SLC14A2: variants seen among roughly 807,000 people sequenced by gnomAD.
SLC14A2 encodes solute carrier family 14 member 2.
A neutral mutation model predicts 104.6 loss-of-function variants in SLC14A2; 91 were observed. The ratio of observed to expected loss-of-function variants is 0.87; its 90% CI spans 0.73 to 1.04. The LOEUF is 1.04. Among genes scored for constraint, SLC14A2 ranks in the 50% least tolerant of loss-of-function variants. The probability of loss-of-function intolerance (pLI) is 0.00; values close to 1 mark genes in which losing one functional copy is unlikely to be tolerated. For synonymous variants in SLC14A2, 476 were observed against 466.4 expected (o/e 1.02, Z -0.27); for missense variants, 1,189 against 1,156.0 (o/e 1.03, Z -0.41).
chr18:45,393,519 C>T (rs1165257169), intron 1 of SLC14A2, among the ~76,000 whole-genome samples: 1 of 152,154 alleles, frequency 6.6e-6, no homozygotes, highest in Non-Finnish European at 1.5e-5. Context: ...CATAAATTAT[C>T]CCTGTGCATC....
intron 2 of SLC14A2, among the ~76,000 whole-genome samples, chr18:45,544,754 C>G (rs2043943762): frequency 7.0e-6 from 1 of 142,946 alleles, no homozygotes. Flanking sequence ...AATATGTATT[C>G]ATGTGATTAT....
At position 45,542,035 on chromosome 18, in the gene SLC14A2, G is replaced by GTTTGTTTTTTT. The variant is rs2043891585; in HGVS notation, c.-35+58716_-35+58717insGTTTTTTTTTT. 1.1e-4 allele frequency among the ~76,000 whole-genome samples: 6 copies of GTTTGTTTTTTT among 54,206 alleles called. 1 individual carries two copies. The highest frequency in any genetic ancestry group is 4.4e-4 in the Admixed American group (2 of 4,538). The allele number at this position is 54,206 out of a possible 152,430, so 35.6% of individuals were successfully genotyped here. ...GGGCTTGTTAGATGAAAGAGAGAGG[G>GTTTGTTTTTTT]TTTTTTTTTTTTTTTTTTTTTTTTT... On this transcript the variant is annotated intron_variant, in intron 2 of 20. Transcript: ENST00000586448.
At chr18:45,288,353 A>G (rs1479332098) in intron 1 of SLC14A2, among the ~76,000 whole-genome samples, 1 of 152,218 alleles carries the variant, frequency 6.6e-6, no homozygotes, top group African/African-American at 2.4e-5. Flanking sequence ...CCCTAGACTC[A>G]TGAGCAAACA....
At chr18:45,514,099 T>C (rs746133333) in intron 2 of SLC14A2, among the ~76,000 whole-genome samples, 2 of 152,172 alleles carry the variant, frequency 1.3e-5, no homozygotes, top group African/African-American at 2.4e-5. Flanking sequence ...AAGGATGATA[T>C]CATGGAAGTT....
At chr18:45,527,520 AT>A (rs2043611557) in intron 2 of SLC14A2, among the ~76,000 whole-genome samples, 1 of 152,208 alleles carries the variant, frequency 6.6e-6, no homozygotes, top group Non-Finnish European at 1.5e-5. Context: ...GCCTTAACCT[AT>A]TCAACTTTTT....
chr18:45,533,016 G>A (rs1326277321), intron 2 of SLC14A2, among the ~76,000 whole-genome samples: 17 of 152,136 alleles, frequency 1.1e-4, no homozygotes, highest in Non-Finnish European at 2.1e-4. Context: ...ATTTGCGTAT[G>A]TTGAACCAGC....
chr18:45,675,841 G>C (rs1357263956), intron 18 of SLC14A2, among the ~76,000 whole-genome samples: 2 of 151,196 alleles, frequency 1.3e-5, no homozygotes, highest in Non-Finnish European at 2.9e-5. Flanking sequence ...AAGAAGTTGA[G>C]GCCATCTAGA....
Position 45,618,577 on chromosome 18 carries a change from G to A in SLC14A2, c.-35+2995G>A, listed in dbSNP as rs535868563. 1.5e-4 allele frequency among the ~76,000 whole-genome samples: 22 copies of A among 146,874 alleles called. 1 individual carries two copies. In the South Asian group the frequency reaches 4.9e-3, roughly 32 times the overall value. ...CCAGCTACTCGGGAGGCTGAGACAGGAGAATTGCTTGAACCTGGGAGGAGG... is the reference window on the plus strand; with the variant it reads ...CCAGCTACTCGGGAGGCTGAGACAGAAGAATTGCTTGAACCTGGGAGGAGG... On this transcript the variant is annotated intron_variant, in intron 1 of 19. Transcript: ENST00000255226.
At chr18:45,435,617 C>A (rs1461392670) in intron 1 of SLC14A2, among the ~76,000 whole-genome samples, 1 of 152,154 alleles carries the variant, frequency 6.6e-6, no homozygotes, top group African/African-American at 2.4e-5. Context: ...GTCCCTTTAA[C>A]CTCCCAGCTG....
intron 2 of SLC14A2, among the ~76,000 whole-genome samples, chr18:45,535,271 G>A (rs895084520): frequency 2.6e-5 from 4 of 152,074 alleles, no homozygotes; most frequent in Admixed American, 1.3e-4. Flanking sequence ...ATTATTTTAC[G>A]TACCTCCATC....
At chr18:45,408,213 G>T (rs1034459519) in intron 1 of SLC14A2, among the ~76,000 whole-genome samples, 12 of 152,094 alleles carry the variant, frequency 7.9e-5, no homozygotes, top group Non-Finnish European at 1.5e-5. Flanking sequence ...AAATCAAGCT[G>T]GCATATGTTT....
chr18:45,244,204 T>A (rs1024110363), intron 1 of SLC14A2, among the ~76,000 whole-genome samples: 2 of 152,244 alleles, frequency 1.3e-5, no homozygotes, highest in Non-Finnish European at 2.9e-5. Flanking sequence ...TTTTTACAAA[T>A]TACTTTATAA....
In SLC14A2 at chr18:45,663,834, C is replaced by T; in HGVS notation, c.1401C>T (p.Gly467=). 2 of 1,613,326 alleles carry T rather than the reference C, an allele frequency of 1.2e-6. No individual in the cohort carries two copies. Among genetic ancestry groups the T allele is most frequent in the Non-Finnish European group, 1.7e-6 (2 of 1,179,888 alleles). Residue 467 remains glycine (G), a synonymous_variant, in exon 11 of 20, where the codon GGC becomes GGT. Transcript: ENST00000255226. ...CAGCAGGCCCAAAGGTGGAGGAGGGCTCGGAGGCTGTGCTCTCCAAGCACA... is the reference window on the plus strand; with the variant it reads ...CAGCAGGCCCAAAGGTGGAGGAGGGTTCGGAGGCTGTGCTCTCCAAGCACA... The part of the protein sequence containing the change: ...PPTAGPKVEE[G]SEAVLSKHRS...
chr18:45,612,708 T>A (rs989236852), upstream of SLC14A2, among the ~76,000 whole-genome samples: 18 of 152,156 alleles, frequency 1.2e-4, no homozygotes, highest in Non-Finnish European at 2.1e-4. Context: ...TGGCTCTGTG[T>A]CCCCACCCAA....
chr18:45,410,140 G>T (rs529236553), intron 1 of SLC14A2, among the ~76,000 whole-genome samples: 226 of 152,256 alleles, frequency 1.5e-3, no homozygotes, highest in Non-Finnish European at 2.1e-3. Context: ...TGCCGCTGCT[G>T]ATCTGACAGG....
chr18:45,176,284 A>G, the SLC14A2 span, among the ~76,000 whole-genome samples: 1 of 152,200 alleles, frequency 6.6e-6, no homozygotes, highest in Non-Finnish European at 1.5e-5. Context: ...CATTTTATAT[A>G]TGAAGAAACT....
At chr18:45,415,127 G>T (rs1039118118) in intron 1 of SLC14A2, among the ~76,000 whole-genome samples, 5 of 152,034 alleles carry the variant, frequency 3.3e-5, no homozygotes, top group Non-Finnish European at 2.9e-5. Context: ...CATGAGCCAG[G>T]TATGTAGCTA....
chr18:45,557,022 T>C (rs981533427), intron 2 of SLC14A2, among the ~76,000 whole-genome samples: 2 of 152,212 alleles, frequency 1.3e-5, no homozygotes, highest in Admixed American at 6.5e-5. Flanking sequence ...CAGTGAAATA[T>C]AGCATCACTC....
chr18:45,269,199 T>G (rs1337169327), intron 1 of SLC14A2, among the ~76,000 whole-genome samples: 5 of 151,864 alleles, frequency 3.3e-5, no homozygotes, highest in Non-Finnish European at 7.4e-5. Flanking sequence ...AAAAGCAGAG[T>G]GGATAGGCTG....
Sources: gnomAD v4.1 joint callset for allele counts (sites outside exome capture counted in the v4.1 genomes callset) on GRCh38, gnomAD v4.1.1 for gene constraint, MANE v1.5 for transcripts, NCBI Gene and HGNC (gene_info 2026-07-23, HGNC 2026-07-21) for gene names.